IFT56: variants seen among roughly 807,000 people sequenced by gnomAD.
The protein encoded by IFT56 is intraflagellar transport protein 56.
the IFT56 span, chr7:139,147,419 G>A: frequency 1.3e-6 from 1 of 799,520 alleles, no homozygotes; most frequent in Non-Finnish European, 1.9e-6. Flanking sequence ...TTGATAATTT[G>A]GTGAGATTAA....
the IFT56 span, among the ~76,000 whole-genome samples, chr7:139,140,711 G>T: frequency 7.4e-6 from 1 of 134,718 alleles, no homozygotes; most frequent in Non-Finnish European, 1.6e-5. Context: ...GGAGGCGGAG[G>T]TTGCAGTGAG....
At chr7:139,188,105 CT>C in the IFT56 span, among the ~76,000 whole-genome samples, 331 of 126,588 alleles carry the variant, frequency 2.6e-3, 1 homozygote, top group African/African-American at 6.0e-3. Flanking sequence ...TTCTTTCTTT[CT>C]TTTTTTTTTT....
chr7:139,144,380 T>A, the IFT56 span, among the ~76,000 whole-genome samples: 3 of 152,264 alleles, frequency 2.0e-5, no homozygotes, highest in South Asian at 6.2e-4. Flanking sequence ...TATGAAGATT[T>A]TTTTTCTGAT....
At chr7:139,172,223 A>T in the IFT56 span, among the ~76,000 whole-genome samples, 1 of 152,132 alleles carries the variant, frequency 6.6e-6, no homozygotes, top group African/African-American at 2.4e-5. Flanking sequence ...AGCCTAACCT[A>T]TGTATGCTTC....
chr7:139,165,740 C>A, the IFT56 span, among the ~76,000 whole-genome samples: 1 of 152,130 alleles, frequency 6.6e-6, no homozygotes, highest in Non-Finnish European at 1.5e-5. Context: ...GTCAGACACA[C>A]GCCTAAAGCA....
At chr7:139,136,432 C>T in the IFT56 span, among the ~76,000 whole-genome samples, 2,467 of 152,088 alleles carry the variant, frequency 0.016, 67 homozygotes, top group African/African-American at 0.056. Flanking sequence ...TTCCTTGTTG[C>T]ATAACACCAG....
chr7:139,146,500 G>A, the IFT56 span, among the ~76,000 whole-genome samples: 1 of 152,178 alleles, frequency 6.6e-6, no homozygotes, highest in African/African-American at 2.4e-5. Flanking sequence ...GGGCACAGTG[G>A]TTCACACCTG....
the IFT56 span, among the ~76,000 whole-genome samples, chr7:139,150,569 C>T: frequency 3.3e-5 from 5 of 152,080 alleles, no homozygotes; most frequent in African/African-American, 1.2e-4. Context: ...TTATAATGTA[C>T]TCCAGCAGTA....
At chr7:139,163,827 G>A in the IFT56 span, among the ~76,000 whole-genome samples, 1 of 152,032 alleles carries the variant, frequency 6.6e-6, no homozygotes, top group African/African-American at 2.4e-5. Flanking sequence ...GCAAAAGAAG[G>A]GAATATCTGA....
At chr7:139,139,871 T>A in the IFT56 span, 2 of 1,553,166 alleles carry the variant, frequency 1.3e-6, no homozygotes, top group Non-Finnish European at 1.8e-6. Context: ...ATGAGATCAC[T>A]GCTTACTATA....
the IFT56 span, chr7:139,189,389 G>C: frequency 6.2e-7 from 1 of 1,613,136 alleles, no homozygotes; most frequent in Admixed American, 1.7e-5. Flanking sequence ...TACATGATCC[G>C]GATCATGAAG....
the IFT56 span, among the ~76,000 whole-genome samples, chr7:139,167,898 G>A: frequency 1.3e-5 from 2 of 149,754 alleles, no homozygotes; most frequent in African/African-American, 2.5e-5. Context: ...CTGAGATCAC[G>A]CCACTGTACT....
chr7:139,166,636 C>A, the IFT56 span, among the ~76,000 whole-genome samples: 1 of 152,120 alleles, frequency 6.6e-6, no homozygotes, highest in Non-Finnish European at 1.5e-5. Flanking sequence ...TAAGGTACTT[C>A]ATGGCTTAAT....
the IFT56 span, among the ~76,000 whole-genome samples, chr7:139,137,459 ATTTC>A: frequency 6.6e-6 from 1 of 152,182 alleles, no homozygotes; most frequent in Admixed American, 6.5e-5. Context: ...GGAGTCAGGC[ATTTC>A]TTTAAGTCCC....
the IFT56 span, chr7:139,181,257 G>A: frequency 2.3e-6 from 3 of 1,316,636 alleles, no homozygotes; most frequent in Non-Finnish European, 3.2e-6. Context: ...TGCTGCATTG[G>A]CTAAATATTA....
chr7:139,137,705 A>G, the IFT56 span: 2 of 589,832 alleles, frequency 3.4e-6, no homozygotes, highest in South Asian at 2.3e-5. Context: ...TCCTGTAGGT[A>G]TAGGTTTAAT....
chr7:139,182,084 T>C, the IFT56 span, among the ~76,000 whole-genome samples: 1 of 142,380 alleles, frequency 7.0e-6, no homozygotes, highest in Non-Finnish European at 1.5e-5. Flanking sequence ...GTGTGCATGC[T>C]GGGGTGTGTG....
the IFT56 span, chr7:139,137,985 T>C: frequency 1.7e-6 from 2 of 1,204,090 alleles, no homozygotes; most frequent in African/African-American, 1.5e-5. Flanking sequence ...GTGTTTAAAA[T>C]GTTATTAAAC....
At chr7:139,180,691 A>T in the IFT56 span, among the ~76,000 whole-genome samples, 3 of 151,782 alleles carry the variant, frequency 2.0e-5, no homozygotes, top group African/African-American at 7.3e-5. Flanking sequence ...CCTGGGTGAC[A>T]GAGCAAGACT....
Sources: gnomAD v4.1 joint callset for allele counts (sites outside exome capture counted in the v4.1 genomes callset) on GRCh38, gnomAD v4.1.1 for gene constraint, MANE v1.5 for transcripts, NCBI Gene and HGNC (gene_info 2026-07-23, HGNC 2026-07-21) for gene names.